The following FAM135B variants were observed in gnomAD, a reference collection of about 807,000 sequenced individuals.
FAM135B encodes family with sequence similarity 135 member B, also known as protein FAM135B.
FAM135B carries 43 observed loss-of-function variants against 127.7 expected under a neutral mutation model. That is an observed-to-expected ratio of 0.34 (90% CI 0.26 to 0.43). The LOEUF is 0.43. FAM135B is among the 20% of genes least tolerant of loss of function. The pLI, the probability that FAM135B is intolerant of heterozygous loss-of-function variation, is 1.00. For synonymous variants in FAM135B, 670 were observed against 665.1 expected, an observed-to-expected ratio of 1.01 and a Z score of -0.11; for missense variants, 1,558 against 1,725.6, an observed-to-expected ratio of 0.90 and a Z score of 1.72.
intron 7 of FAM135B, among the ~76,000 whole-genome samples, chr8:138,238,171 A>G (rs951203427): frequency 1.3e-5 from 2 of 152,248 alleles, no homozygotes; most frequent in South Asian, 2.1e-4. Flanking sequence ...ACAAGGCTGC[A>G]TTGAAGCTCT....
chr8:138,474,227 G>A (rs1814256932), intron 1 of FAM135B, among the ~76,000 whole-genome samples: 1 of 152,076 alleles, frequency 6.6e-6, no homozygotes, highest in Non-Finnish European at 1.5e-5. Flanking sequence ...TGCCATAGAT[G>A]GATGAACAAA....
chr8:138,133,710 C>T (rs1816387166), intron 19 of FAM135B, among the ~76,000 whole-genome samples: 1 of 152,160 alleles, frequency 6.6e-6, no homozygotes, highest in African/African-American at 2.4e-5. Context: ...TAACAGTCCA[C>T]AGCCTCACTC....
chr8:138,291,753 A>G (rs1825127162), intron 3 of FAM135B, among the ~76,000 whole-genome samples: 1 of 152,170 alleles, frequency 6.6e-6, no homozygotes, highest in South Asian at 2.1e-4. Flanking sequence ...CATGATAAAA[A>G]TTCTCAACAA....
At chr8:138,160,446 T>C (rs1586644360) in intron 12 of FAM135B, among the ~76,000 whole-genome samples, 1 of 152,160 alleles carries the variant, frequency 6.6e-6, no homozygotes, top group African/African-American at 2.4e-5. Flanking sequence ...TGGAGTGCAG[T>C]GTCTCCATCT....
At chr8:138,165,324 TAGTC>T (rs1819807656) in intron 12 of FAM135B, among the ~76,000 whole-genome samples, 4 of 152,012 alleles carry the variant, frequency 2.6e-5, no homozygotes, top group African/African-American at 9.6e-5. Context: ...GTCTTCATGT[TAGTC>T]AGGCTGGTCT....
At chr8:138,138,426 C>T (rs1206631703) in intron 18 of FAM135B, among the ~76,000 whole-genome samples, 1 of 152,210 alleles carries the variant, frequency 6.6e-6, no homozygotes, top group Non-Finnish European at 1.5e-5. Context: ...GTCAGCTGCT[C>T]CACTCGCCGA....
chr8:138,414,734 A>G (rs1834047250), intron 1 of FAM135B, among the ~76,000 whole-genome samples: 1 of 152,130 alleles, frequency 6.6e-6, no homozygotes, highest in Admixed American at 6.6e-5. Flanking sequence ...GTCAAAGGGG[A>G]AGTGAAGATG....
chr8:138,235,876 C>G (rs548799158), intron 7 of FAM135B, among the ~76,000 whole-genome samples: 6 of 152,292 alleles, frequency 3.9e-5, no homozygotes, highest in African/African-American at 1.4e-4. Flanking sequence ...CAATGACATG[C>G]ACTCCTCTGT....
chr8:138,205,015 G>A (rs1382177616), intron 7 of FAM135B, among the ~76,000 whole-genome samples: 3 of 152,094 alleles, frequency 2.0e-5, no homozygotes, highest in Non-Finnish European at 4.4e-5. Flanking sequence ...TGTGTGCCTG[G>A]TACTATTCTT....
At chr8:138,238,030 T>C (rs2130306537) in intron 7 of FAM135B, among the ~76,000 whole-genome samples, 1 of 152,266 alleles carries the variant, frequency 6.6e-6, no homozygotes, top group East Asian at 1.9e-4. Flanking sequence ...GCCTCGGGGA[T>C]GATCATATCC....
intron 3 of FAM135B, among the ~76,000 whole-genome samples, chr8:138,279,370 A>C (rs1338667100): frequency 1.3e-5 from 2 of 152,358 alleles, no homozygotes; most frequent in African/African-American, 4.8e-5. Context: ...GGTGCTTGAC[A>C]TAAGAGGCAC....
chr8:138,213,616 G>A (rs1332430041), intron 7 of FAM135B, among the ~76,000 whole-genome samples: 1 of 151,728 alleles, frequency 6.6e-6, no homozygotes, highest in Non-Finnish European at 1.5e-5. Flanking sequence ...AGGATCAGAT[G>A]TGGAGAAAGT....
chr8:138,420,221 C>CA (rs1834412820), intron 1 of FAM135B, among the ~76,000 whole-genome samples: 1 of 149,020 alleles, frequency 6.7e-6, no homozygotes, highest in South Asian at 2.1e-4. Flanking sequence ...TATTACAACA[C>CA]CTCTATGCAT....
intron 2 of FAM135B, among the ~76,000 whole-genome samples, chr8:138,356,196 T>C (rs1830078594): frequency 6.6e-6 from 1 of 152,068 alleles, no homozygotes; most frequent in South Asian, 2.1e-4. Flanking sequence ...GTTTCAGGCA[T>C]TTTGTTATAG....
At chr8:138,177,981 A>T (rs1206402444) in intron 10 of FAM135B, among the ~76,000 whole-genome samples, 1 of 152,250 alleles carries the variant, frequency 6.6e-6, no homozygotes, top group Admixed American at 6.5e-5. Flanking sequence ...GCAGTGGCTC[A>T]TGCCTGTAAT....
intron 2 of FAM135B, among the ~76,000 whole-genome samples, chr8:138,366,798 C>T (rs112190101): frequency 2.6e-5 from 4 of 152,276 alleles, no homozygotes; most frequent in African/African-American, 9.6e-5. Context: ...GAGATGGTAT[C>T]TATTTCTTCA....
intron 7 of FAM135B, among the ~76,000 whole-genome samples, chr8:138,224,602 C>T (rs6577893): frequency 0.23 from 35,573 of 151,990 alleles, 5,085 homozygotes; most frequent in African/African-American, 0.4. Flanking sequence ...TAGTACTACA[C>T]TGTAGCTATA....
At chr8:138,456,720 T>C (rs1351239235) in intron 1 of FAM135B, among the ~76,000 whole-genome samples, 2 of 152,214 alleles carry the variant, frequency 1.3e-5, no homozygotes, top group Non-Finnish European at 2.9e-5. Context: ...TTTCCCCATA[T>C]TCCCTTGATC....
chr8:138,238,920 T>C (rs1820510808), intron 7 of FAM135B, among the ~76,000 whole-genome samples: 1 of 152,162 alleles, frequency 6.6e-6, no homozygotes, highest in African/African-American at 2.4e-5. Context: ...TGAGCTAAAC[T>C]CCATGAGCAA....
Sources: gnomAD v4.1 joint callset for allele counts (sites outside exome capture counted in the v4.1 genomes callset) on GRCh38, gnomAD v4.1.1 for gene constraint, MANE v1.5 for transcripts, NCBI Gene and HGNC (gene_info 2026-07-23, HGNC 2026-07-21) for gene names.